DACH2: variants seen among roughly 807,000 people sequenced by gnomAD.
The protein encoded by DACH2 is dachshund family transcription factor 2.
DACH2 carries 17 observed loss-of-function variants against 35.8 expected under a neutral mutation model. That is an observed-to-expected ratio of 0.48 (90% CI 0.33 to 0.71). The LOEUF (loss-of-function observed/expected upper bound fraction) is 0.71, where lower values mean the gene tolerates loss of function less well. Among genes scored for constraint, DACH2 ranks in the 30% least tolerant of loss-of-function variants. The pLI is 0.02. For missense variants in DACH2, 469 were observed against 472.7 expected (o/e 0.99, Z 0.07); for synonymous variants, 195 against 177.3 (o/e 1.10, Z -0.79).
chrX:86,214,466 C>A (rs1022974530), intron 1 of DACH2, among the ~76,000 whole-genome samples: 6 of 111,997 alleles, frequency 5.4e-5, no homozygotes, highest in Admixed American at 1.9e-4. Context: ...ACCGGTAAAT[C>A]AAGTTACTTG....
At chrX:86,427,094 G>T (rs1177521695) in intron 2 of DACH2, among the ~76,000 whole-genome samples, 2 of 111,027 alleles carry the variant, frequency 1.8e-5, no homozygotes, top group Non-Finnish European at 3.8e-5. Context: ...CGGATGATAG[G>T]AGCTCTTTGT....
chrX:86,328,228 C>T (rs763733053), intron 1 of DACH2, among the ~76,000 whole-genome samples: 22 of 111,406 alleles, frequency 2.0e-4, no homozygotes, highest in East Asian at 1.4e-3. Context: ...ACTGAGAGAA[C>T]GAAAATCTTA....
intron 2 of DACH2, among the ~76,000 whole-genome samples, chrX:86,471,683 C>G (rs1219750896): frequency 9.0e-6 from 1 of 111,037 alleles, no homozygotes; most frequent in Non-Finnish European, 1.9e-5. Flanking sequence ...TCATACATTA[C>G]TCTTCATCTA....
chrX:86,405,480 C>T (rs1186083590), intron 2 of DACH2, among the ~76,000 whole-genome samples: 2 of 111,586 alleles, frequency 1.8e-5, no homozygotes, highest in Admixed American at 1.9e-4. Flanking sequence ...CCATCTGAGA[C>T]CAACTCAGCC....
intron 2 of DACH2, among the ~76,000 whole-genome samples, chrX:86,409,748 C>T (rs1179144354): frequency 1.8e-5 from 2 of 111,743 alleles, no homozygotes; most frequent in Non-Finnish European, 3.8e-5. Flanking sequence ...GCAAGAATAG[C>T]CAATGCAGAT....
chrX:86,419,785 C>T (rs1602499624), intron 2 of DACH2, among the ~76,000 whole-genome samples: 1 of 111,611 alleles, frequency 9.0e-6, no homozygotes, highest in Non-Finnish European at 1.9e-5. Context: ...TAGGTAATGT[C>T]CTGATCCTTG....
chrX:86,815,954 C>G (rs2042447108), intron 10 of DACH2, 80 bp from the exon 11 acceptor site: 1 of 814,226 alleles, frequency 1.2e-6, no homozygotes, highest in Non-Finnish European at 1.7e-6. Flanking sequence ...GACCAAAGTA[C>G]TGGCTTACTG....
chrX:86,787,780 A>G (rs976126869), intron 7 of DACH2, among the ~76,000 whole-genome samples: 6 of 112,087 alleles, frequency 5.4e-5, no homozygotes, highest in South Asian at 3.7e-4. Context: ...CAGAAAATCC[A>G]TATGTGTCTG....
intron 1 of DACH2, among the ~76,000 whole-genome samples, chrX:86,371,320 TCA>T (rs2035884623): frequency 9.0e-6 from 1 of 111,161 alleles, no homozygotes; most frequent in Admixed American, 9.7e-5. Flanking sequence ...ACTTTAAATC[TCA>T]CTGATTTTTA....
intron 2 of DACH2, among the ~76,000 whole-genome samples, chrX:86,404,838 G>A (rs757782352): frequency 9.1e-4 from 102 of 112,263 alleles, no homozygotes; most frequent in Non-Finnish European, 1.6e-3. Flanking sequence ...CTTCTGCCTG[G>A]ATATCCAGGC....
chrX:86,802,803 A>G (rs2042307314), intron 7 of DACH2, among the ~76,000 whole-genome samples: 1 of 111,086 alleles, frequency 9.0e-6, no homozygotes, highest in Non-Finnish European at 1.9e-5. Flanking sequence ...GTGACAAAAC[A>G]TTATCACCTG....
At chrX:86,531,350 C>G (rs771727716) in intron 3 of DACH2, among the ~76,000 whole-genome samples, 4 of 111,506 alleles carry the variant, frequency 3.6e-5, no homozygotes, top group Admixed American at 9.5e-5. Context: ...CAGCCCCTCC[C>G]ATCACAGACC....
chrX:86,197,845 A>T (rs748943156), intron 1 of DACH2, among the ~76,000 whole-genome samples: 167 of 111,666 alleles, frequency 1.5e-3, no homozygotes, highest in Admixed American at 4.8e-3. Flanking sequence ...ACAATATCAG[A>T]CAGATCATCA....
chrX:86,173,281 C>A (rs2031186625), intron 1 of DACH2, among the ~76,000 whole-genome samples: 1 of 111,934 alleles, frequency 8.9e-6, no homozygotes, highest in African/African-American at 3.2e-5. Flanking sequence ...AGATTATATT[C>A]TAGTGTATGG....
intron 3 of DACH2, among the ~76,000 whole-genome samples, chrX:86,627,958 C>G (rs1379070902): frequency 1.8e-5 from 2 of 112,185 alleles, no homozygotes; most frequent in East Asian, 5.7e-4. Context: ...GTTGTTATGT[C>G]TTAACAGGAT....
chrX:86,268,934 T>A (rs981734787), intron 1 of DACH2, among the ~76,000 whole-genome samples: 3 of 111,566 alleles, frequency 2.7e-5, no homozygotes, highest in African/African-American at 9.8e-5. Context: ...TCACATCTTA[T>A]AAAATGGAGT....
At chrX:86,172,029 C>T (rs1235166858) in intron 1 of DACH2, among the ~76,000 whole-genome samples, 1 of 111,814 alleles carries the variant, frequency 8.9e-6, no homozygotes, top group Non-Finnish European at 1.9e-5. Context: ...CAACTGCATT[C>T]GAGGTTATTT....
intron 1 of DACH2, among the ~76,000 whole-genome samples, chrX:86,320,377 C>G (rs1041822634): frequency 8.9e-6 from 1 of 112,086 alleles, no homozygotes; most frequent in African/African-American, 3.2e-5. Context: ...GTGATTCTTA[C>G]CATTTTTTTC....
intron 4 of DACH2, among the ~76,000 whole-genome samples, chrX:86,655,828 C>T (rs2040532656): frequency 9.0e-6 from 1 of 111,270 alleles, no homozygotes; most frequent in South Asian, 3.8e-4. Flanking sequence ...GAAAAAATTA[C>T]TTCTAAGATA....
Sources: allele counts gnomAD v4.1 joint callset (sites outside exome capture counted in the v4.1 genomes callset), GRCh38; gene constraint gnomAD v4.1.1; transcripts MANE v1.5; gene names NCBI Gene and HGNC (gene_info 2026-07-23, HGNC 2026-07-21).